The following PDE4B variants were observed in gnomAD, a reference collection of about 807,000 sequenced individuals.
The protein encoded by PDE4B is phosphodiesterase 4B.
PDE4B carries 20 observed loss-of-function variants against 82.2 expected under a neutral mutation model. The observed-to-expected ratio is 0.24, with a 90% confidence interval of 0.17 to 0.35. The LOEUF (loss-of-function observed/expected upper bound fraction) is 0.35, where lower values mean the gene tolerates loss of function less well. Among genes scored for constraint, PDE4B ranks in the 10% least tolerant of loss-of-function variants. The probability of loss-of-function intolerance (pLI) is 1.00; values close to 1 mark genes in which losing one functional copy is unlikely to be tolerated. For missense variants in PDE4B, 655 were observed against 907.2 expected (o/e 0.72, Z 3.57); for synonymous variants, 320 against 318.9 (o/e 1.00, Z -0.04).
At chr1:66,022,380 G>A (rs1161160997) in intron 3 of PDE4B, among the ~76,000 whole-genome samples, 2 of 152,144 alleles carry the variant, frequency 1.3e-5, no homozygotes, top group Non-Finnish European at 2.9e-5. Context: ...TCCCTGTCTT[G>A]TGCCAGTTTT....
chr1:66,098,910 A>T (rs371159666), intron 3 of PDE4B, among the ~76,000 whole-genome samples: 3 of 152,164 alleles, frequency 2.0e-5, no homozygotes, highest in East Asian at 3.8e-4. Flanking sequence ...ACAAATATAG[A>T]TACAGTGAGA....
At chr1:65,922,433 A>G (rs1009167687) in intron 3 of PDE4B, among the ~76,000 whole-genome samples, 3 of 152,172 alleles carry the variant, frequency 2.0e-5, no homozygotes, top group African/African-American at 7.2e-5. Context: ...ACCAACTTGG[A>G]AATATGATGA....
At position 66,201,415 on chromosome 1, in the gene PDE4B, G is replaced by A. The variant is rs530127246; in HGVS notation, c.282-46045G>A. Among the ~76,000 whole-genome samples, 5 of 152,186 alleles carry A rather than the reference G, an allele frequency of 3.3e-5. No individual in the cohort carries two copies. In the East Asian group the frequency reaches 9.6e-4, roughly 29 times the overall value. ...TCTATTGATTGGAATAGTTTCAGAA[G>A]GAATGGTGCCAGTTCCTCCTTGTAC... On this transcript the variant is annotated intron_variant, in intron 3 of 16. Transcript: ENST00000341517.
intron 1 of PDE4B, among the ~76,000 whole-genome samples, chr1:65,808,798 G>A (rs151317974): frequency 1.3e-5 from 2 of 152,300 alleles, no homozygotes; most frequent in East Asian, 3.9e-4. Flanking sequence ...TTGGTAAAGG[G>A]TAGAACCTTT....
At chr1:66,299,776 C>G (rs931337104) in intron 7 of PDE4B, among the ~76,000 whole-genome samples, 1 of 152,124 alleles carries the variant, frequency 6.6e-6, no homozygotes, top group South Asian at 2.1e-4. Context: ...TTTCCTCACT[C>G]ATTGTGACAT....
chr1:66,348,494 T>TA (rs746213821), intron 8 of PDE4B, among the ~76,000 whole-genome samples: 1 of 152,144 alleles, frequency 6.6e-6, no homozygotes, highest in Non-Finnish European at 1.5e-5. Flanking sequence ...TTTTAGGTCT[T>TA]ACGTTTCTCA....
intron 7 of PDE4B, among the ~76,000 whole-genome samples, chr1:66,321,073 C>T (rs7513323): frequency 0.014 from 2,174 of 152,232 alleles, 22 homozygotes; most frequent in Non-Finnish European, 0.023. Context: ...TCATGCTTAC[C>T]AAGCCATCTT....
At chr1:66,128,187 A>C (rs1443816092) in intron 3 of PDE4B, among the ~76,000 whole-genome samples, 2 of 152,182 alleles carry the variant, frequency 1.3e-5, no homozygotes, top group Non-Finnish European at 2.9e-5. Context: ...TTCCAAGGAA[A>C]CAAATGCATT....
At chr1:66,003,590 T>C (rs1399087323) in intron 3 of PDE4B, among the ~76,000 whole-genome samples, 1 of 152,194 alleles carries the variant, frequency 6.6e-6, no homozygotes, top group African/African-American at 2.4e-5. Flanking sequence ...TCTCCTTCCA[T>C]CCTTTCTGAT....
intron 7 of PDE4B, among the ~76,000 whole-genome samples, chr1:66,318,013 A>C (rs1406825852): frequency 6.6e-6 from 1 of 152,244 alleles, no homozygotes; most frequent in East Asian, 1.9e-4. Context: ...AACCTGGCTG[A>C]GGATGGAAAT....
chr1:65,834,650 A>T (rs1646120902), intron 1 of PDE4B, among the ~76,000 whole-genome samples: 1 of 152,192 alleles, frequency 6.6e-6, no homozygotes, highest in African/African-American at 2.4e-5. Context: ...TGGTATAACT[A>T]ATACCATTTT....
At chr1:66,170,922 G>C (rs1167624946) in intron 3 of PDE4B, among the ~76,000 whole-genome samples, 2 of 152,120 alleles carry the variant, frequency 1.3e-5, no homozygotes, top group Admixed American at 1.3e-4. Flanking sequence ...ATTTTAAATA[G>C]GAGCATTGCT....
At chr1:66,204,073 C>A (rs1454408950) in intron 3 of PDE4B, among the ~76,000 whole-genome samples, 1 of 152,220 alleles carries the variant, frequency 6.6e-6, no homozygotes, top group Non-Finnish European at 1.5e-5. Flanking sequence ...ACAGACAGGA[C>A]CCTCAGCTGC....
At chr1:66,277,393 A>G (rs1184361221) in intron 7 of PDE4B, among the ~76,000 whole-genome samples, 1 of 151,746 alleles carries the variant, frequency 6.6e-6, no homozygotes, top group Non-Finnish European at 1.5e-5. Flanking sequence ...TTTATTATTT[A>G]TTTATTTATT....
Position 66,009,949 on chromosome 1 carries a change from CTATCATCT to C in PDE4B, c.281+91115_281+91122del, listed in dbSNP as rs1340272415. Among the ~76,000 whole-genome samples the C allele has an allele frequency of 7.6e-4, 111 of 145,318 alleles. 1 individual carries two copies. Among genetic ancestry groups the C allele is most frequent in the South Asian group, 4.1e-3 (19 of 4,680 alleles). On this transcript the variant is annotated intron_variant, in intron 3 of 16. Coordinates refer to ENST00000341517, the MANE Select transcript of PDE4B (RefSeq NM_002600.4). ...TCTATCTATCTATCTATCTATCTATCTATCATCTATCTATCTAATCTTTGGTATTGTCT... is the reference window on the plus strand; with the variant it reads ...TCTATCTATCTATCTATCTATCTATCATCTATCTAATCTTTGGTATTGTCT...
At chr1:65,872,700 T>C (rs563820917) in intron 1 of PDE4B, among the ~76,000 whole-genome samples, 3 of 152,332 alleles carry the variant, frequency 2.0e-5, no homozygotes, top group South Asian at 2.1e-4. Flanking sequence ...TGAATACTTA[T>C]GGAATGAAAA....
intron 1 of PDE4B, among the ~76,000 whole-genome samples, chr1:65,903,141 C>A (rs1387310094): frequency 6.6e-6 from 1 of 152,066 alleles, no homozygotes; most frequent in Non-Finnish European, 1.5e-5. Context: ...TCAAGCTTTT[C>A]TTTTTAAGTG....
intron 2 of PDE4B, among the ~76,000 whole-genome samples, chr1:65,917,783 A>G (rs890444307): frequency 5.3e-5 from 8 of 152,198 alleles, no homozygotes; most frequent in African/African-American, 1.2e-4. Context: ...AAAATCTCCA[A>G]TTGTAAGAAG....
intron 1 of PDE4B, among the ~76,000 whole-genome samples, chr1:65,801,830 T>C (rs1645697699): frequency 6.6e-6 from 1 of 152,188 alleles, no homozygotes; most frequent in Non-Finnish European, 1.5e-5. Context: ...TCTTTACTAT[T>C]TAATGTGAGT....
Sources: allele counts gnomAD v4.1 joint callset (sites outside exome capture counted in the v4.1 genomes callset), GRCh38; gene constraint gnomAD v4.1.1; transcripts MANE v1.5; gene names NCBI Gene and HGNC (gene_info 2026-07-23, HGNC 2026-07-21).